TMPRSS6: variants seen among roughly 807,000 people sequenced by gnomAD.
TMPRSS6 encodes transmembrane protease serine 6.
In TMPRSS6, 67 loss-of-function variants were observed where a neutral mutation model predicts 101.5. The observed-to-expected ratio is 0.66, with a 90% CI of 0.54 to 0.81. TMPRSS6 has a LOEUF of 0.81. Among genes scored for constraint, TMPRSS6 ranks in the 30% least tolerant of loss-of-function variants. The pLI, the probability that TMPRSS6 is intolerant of heterozygous loss-of-function variation, is 0.00. For missense variants in TMPRSS6, 1,034 were observed against 1,088.7 expected (o/e 0.95, Z 0.71); for synonymous variants, 453 against 464.9 (o/e 0.97, Z 0.33).
Position 37,098,444 on chromosome 22 carries a change from C to G in TMPRSS6, c.308G>C (p.Arg103Pro). ...DLTRRESSAF[R>P]SETAKAQKML... ...CTTCTGGGCTTTGGCGGTTTCACTG[C>G]GGAAGGCACTAGATTCCCGGCGGGT... is the stretch of plus-strand genomic sequence containing the variant. Residue 103 changes from arginine to proline, a missense_variant, in exon 3 of 18, where the codon CGC becomes CCC. By Grantham distance (103) the Arg-to-Pro change is moderately radical (BLOSUM62 -2). Transcript: ENST00000676104. 1 of 1,613,916 alleles carries G rather than the reference C, an allele frequency of 6.2e-7. No individual in the cohort carries two copies. The highest frequency in any genetic ancestry group is 8.5e-7 in the Non-Finnish European group (1 of 1,179,998).
At chr22:37,067,021 T>C (rs1334667825) in intron 16 of TMPRSS6, 59 bp from the exon 17 acceptor site, 28 of 1,611,048 alleles carry the variant, frequency 1.7e-5, no homozygotes, top group Middle Eastern at 1.6e-4. Flanking sequence ...TGTTCTCTAT[T>C]CTCCCTAACA....
intron 6 of TMPRSS6, among the ~76,000 whole-genome samples, chr22:37,092,260 G>A (rs1156712750): frequency 1.3e-5 from 2 of 151,782 alleles, no homozygotes; most frequent in African/African-American, 2.4e-5. Flanking sequence ...CTCTGCTCAG[G>A]GAACCCTTTC....
intron 16 of TMPRSS6, 47 bp from the exon 17 acceptor site, chr22:37,067,009 C>T (rs1199497194): frequency 1.9e-6 from 3 of 1,613,006 alleles, no homozygotes; most frequent in Non-Finnish European, 2.5e-6. Flanking sequence ...GCCTGGAGCC[C>T]CTGTTCTCTA....
rs1926184360 is a variant in TMPRSS6 at position 37,065,482 on chromosome 22, A to C, written c.*598T>G. 6.5e-6 allele frequency: 1 copy of C among 154,044 alleles called. No homozygotes were observed. Among genetic ancestry groups the C allele is most frequent in the South Asian group, 2.0e-4 (1 of 4,942 alleles). 9.5% of individuals were successfully genotyped at this position (154,044 alleles called of 1,614,324 possible). On this transcript the variant is annotated 3_prime_UTR_variant, in exon 18 of 18. Coordinates refer to ENST00000676104, the MANE Select transcript of TMPRSS6 (RefSeq NM_001374504.1). The stretch of plus-strand genomic sequence containing the variant: ...CAAAGGGCAGCTGAGCTCACCTCCC[A>C]GTGAGGGTCTGGGCTGTGAGGGCCC...
At chr22:37,089,121 C>A (rs968403823) in intron 7 of TMPRSS6, among the ~76,000 whole-genome samples, 2 of 152,098 alleles carry the variant, frequency 1.3e-5, no homozygotes, top group Admixed American at 6.5e-5. Context: ...GGTCTAGGCA[C>A]GAGGGCCCGG....
In TMPRSS6 at chr22:37,101,805, G is replaced by A. The variant is rs1930332495; in HGVS notation, c.202+1411C>T. 6.6e-6 allele frequency among the ~76,000 whole-genome samples: 1 copy of A among 152,140 alleles called. No individual in the cohort carries two copies. Among genetic ancestry groups the A allele is most frequent in the Non-Finnish European group, 1.5e-5 (1 of 68,024 alleles). ...GAAATAATTGGCAGGTGAGTTCCTG[G>A]CCCTCCAGCCCAGTGCCCCGTGGTT... On this transcript the variant is annotated intron_variant, in intron 2 of 17. Coordinates refer to ENST00000676104, the MANE Select transcript of TMPRSS6 (RefSeq NM_001374504.1). This position sits in a 1 kb window ranked among gnomAD's most constrained non-coding sequence, Gnocchi z 4.1.
intron 10 of TMPRSS6, among the ~76,000 whole-genome samples, chr22:37,080,929 T>G (rs1294594395): frequency 6.6e-6 from 1 of 152,262 alleles, no homozygotes; most frequent in African/African-American, 2.4e-5. Flanking sequence ...CACATGCACG[T>G]ACACGTGCAC....
At chr22:37,086,829 T>C (rs1178924188) in intron 7 of TMPRSS6, among the ~76,000 whole-genome samples, 2 of 152,122 alleles carry the variant, frequency 1.3e-5, no homozygotes, top group East Asian at 3.9e-4. Flanking sequence ...GCACCGCGAC[T>C]CCTGGCTGTG....
At chr22:37,092,922 C>A (rs374888976) in intron 6 of TMPRSS6, among the ~76,000 whole-genome samples, 1 of 152,222 alleles carries the variant, frequency 6.6e-6, no homozygotes, top group Non-Finnish European at 1.5e-5. Flanking sequence ...TGCTTTGGAA[C>A]GAACAATTCC....
At chr22:37,081,696 C>A (rs1490698279) in intron 10 of TMPRSS6, among the ~76,000 whole-genome samples, 1 of 152,118 alleles carries the variant, frequency 6.6e-6, no homozygotes, top group Non-Finnish European at 1.5e-5. Flanking sequence ...CTCATCCTCA[C>A]CACCCAGCCA....
At position 37,103,330 on chromosome 22, in the gene TMPRSS6, C is replaced by G. The variant is rs775347819; in HGVS notation, c.88G>C (p.Ala30Pro). ...EEAEPEGMFKACEDSKRKARG... is the reference protein window; with the variant it reads ...EEAEPEGMFKPCEDSKRKARG... ...GCTTTTCTCTTGGAGTCCTCACAGGCCTTGAACATCCCCTCCGGCTCCGCT... is the reference window on the plus strand; with the variant it reads ...GCTTTTCTCTTGGAGTCCTCACAGGGCTTGAACATCCCCTCCGGCTCCGCT... Residue 30 changes from alanine to proline, a missense_variant, in exon 2 of 18, where the codon GCC (alanine) becomes CCC (proline). Ala to Pro is a conservative substitution (Grantham distance 27). Transcript: ENST00000676104. The surrounding 1 kb of genome is among the most constrained non-coding windows in gnomAD (Gnocchi z 4.4). 1.2e-6 allele frequency: 2 copies of G among 1,614,208 alleles called. No homozygotes were observed. Among genetic ancestry groups the G allele is most frequent in the African/African-American group, 1.3e-5 (1 of 75,058 alleles).
At chr22:37,106,587 C>T (rs1484266277) in intron 1 of TMPRSS6, among the ~76,000 whole-genome samples, 1 of 152,188 alleles carries the variant, frequency 6.6e-6, no homozygotes, top group Admixed American at 6.5e-5. Context: ...ACTTCCCACC[C>T]AAACCCCTGG....
intron 16 of TMPRSS6, 93 bp downstream of exon 16, chr22:37,068,980 G>A: frequency 6.7e-7 from 1 of 1,496,388 alleles, no homozygotes; most frequent in Middle Eastern, 2.4e-4. Flanking sequence ...TGGAGCCCCG[G>A]GACCCCCAGC....
At chr22:37,099,653 C>A (rs901385884) in intron 2 of TMPRSS6, among the ~76,000 whole-genome samples, 1 of 152,126 alleles carries the variant, frequency 6.6e-6, no homozygotes, top group Non-Finnish European at 1.5e-5. Flanking sequence ...AGGAATCAGA[C>A]GGTAAACCAC....
At chr22:37,095,164 C>T (rs11912783) in intron 6 of TMPRSS6, among the ~76,000 whole-genome samples, 7,538 of 152,180 alleles carry the variant, frequency 0.05, 624 homozygotes, top group African/African-American at 0.17. Context: ...TTAAAACCAA[C>T]GTGACTGACA....
At chr22:37,070,774 A>G in intron 14 of TMPRSS6, 122 bp from the exon 15 acceptor site, 1 of 1,314,398 alleles carries the variant, frequency 7.6e-7, no homozygotes, top group Admixed American at 1.7e-5. Flanking sequence ...GGAGGGGGAG[A>G]GACCATCAGG....
intron 16 of TMPRSS6, among the ~76,000 whole-genome samples, chr22:37,068,171 T>C (rs1926515946): frequency 6.6e-6 from 1 of 152,138 alleles, no homozygotes; most frequent in Non-Finnish European, 1.5e-5. Context: ...TTCATCCTTA[T>C]GTACCCTTCC....
intron 5 of TMPRSS6, 33 bp from the exon 6 acceptor site, chr22:37,095,625 A>AC: frequency 1.3e-6 from 2 of 1,513,826 alleles, no homozygotes; most frequent in Non-Finnish European, 1.8e-6. Flanking sequence ...CAAATAAACA[A>AC]GAACAAAAAA....
In TMPRSS6 at chr22:37,069,116, G is replaced by A; in HGVS notation, c.2070C>T (p.Gly690=). ...LPARSHFFEP[G]LHCWITGWGA... ...CCCAGCCCGTAATCCAGCAGTGCAG[G>A]CCGGGCTCGAAGAAGTGGGAGCGCG... The change falls in exon 16 of 18, where the codon GGC becomes GGT. Residue 690 remains glycine (G), a synonymous_variant. Transcript: ENST00000676104. The surrounding 1 kb of genome is among the most constrained non-coding windows in gnomAD (Gnocchi z 4.8). The A allele has an allele frequency of 6.4e-7, 1 of 1,560,474 alleles. No homozygotes were observed. The highest frequency in any genetic ancestry group is 8.7e-7 in the Non-Finnish European group (1 of 1,155,856).
Sources: allele counts gnomAD v4.1 joint callset (sites outside exome capture counted in the v4.1 genomes callset), GRCh38; gene constraint gnomAD v4.1.1; non-coding constraint Gnocchi (gnomAD v3.1); transcripts MANE v1.5; gene names NCBI Gene and HGNC (gene_info 2026-07-23, HGNC 2026-07-21).